GRIK1: variants seen among roughly 807,000 people sequenced by gnomAD.
GRIK1 encodes the protein glutamate ionotropic receptor kainate type subunit 1.
In GRIK1, 69 loss-of-function variants were observed where a neutral mutation model predicts 105.7. The ratio of observed to expected loss-of-function variants is 0.65; its 90% confidence interval spans 0.54 to 0.80. The LOEUF (loss-of-function observed/expected upper bound fraction) is 0.80. Ranked by LOEUF, GRIK1 falls within the 30% of genes least tolerant of loss-of-function variation. The pLI, the probability that GRIK1 is intolerant of heterozygous loss-of-function variation, is 0.00. For synonymous variants in GRIK1, 438 were observed against 431.3 expected (o/e 1.02, Z -0.19); for missense variants, 1,109 against 1,167.3 (o/e 0.95, Z 0.73).
chr21:29,860,213 A>G (rs982246888), intron 1 of GRIK1, among the ~76,000 whole-genome samples: 1 of 152,198 alleles, frequency 6.6e-6, no homozygotes, highest in East Asian at 1.9e-4. Flanking sequence ...AGAAAATAAG[A>G]GGCTATCTAC....
chr21:29,806,048 G>T (rs75357092), intron 1 of GRIK1, among the ~76,000 whole-genome samples: 4,833 of 152,084 alleles, frequency 0.032, 128 homozygotes, highest in Middle Eastern at 0.072. Flanking sequence ...TAATAATCTA[G>T]AGTAAATAAT....
intron 1 of GRIK1, among the ~76,000 whole-genome samples, chr21:29,836,449 C>T (rs2067808404): frequency 6.6e-6 from 1 of 152,100 alleles, no homozygotes; most frequent in South Asian, 2.1e-4. Context: ...AACCAATTTA[C>T]TCAACTCTGG....
rs528430313 is a variant in GRIK1, at chr21:29,592,815, A to AT, written c.1252-1591dup. ...CCCTGTCATGAAGGAATCTGGACTC[A>AT]TTTTTTTAAAAATTCAGATTCTGAT... On this transcript the variant is annotated intron_variant, in intron 9 of 17. Coordinates refer to ENST00000327783, the MANE Select transcript of GRIK1 (RefSeq NM_001330994.2). 2.8e-3 allele frequency among the ~76,000 whole-genome samples: 420 copies of AT among 152,220 alleles called. 2 individuals are homozygous for AT. Among genetic ancestry groups the AT allele is most frequent in the South Asian group, 2.7e-3 (13 of 4,824 alleles).
At chr21:29,644,865 C>T (rs1220559984) in intron 6 of GRIK1, among the ~76,000 whole-genome samples, 1 of 152,178 alleles carries the variant, frequency 6.6e-6, no homozygotes, top group Non-Finnish European at 1.5e-5. Flanking sequence ...GCATGCTGTT[C>T]TAAATCCCTT....
chr21:29,693,060 T>A (rs1004292763), intron 2 of GRIK1, among the ~76,000 whole-genome samples: 5 of 152,190 alleles, frequency 3.3e-5, no homozygotes, highest in Non-Finnish European at 7.3e-5. Context: ...GTTCATTGTG[T>A]TTCCTTATTT....
At chr21:29,771,168 G>A (rs796641825) in intron 1 of GRIK1, among the ~76,000 whole-genome samples, 71 of 152,280 alleles carry the variant, frequency 4.7e-4, no homozygotes, top group African/African-American at 1.7e-3. Context: ...GACTCTGATA[G>A]TTGCAGTGTT....
chr21:29,544,366 C>T (rs112486094), intron 16 of GRIK1, among the ~76,000 whole-genome samples: 124 of 152,266 alleles, frequency 8.1e-4, no homozygotes, highest in African/African-American at 2.8e-3. Flanking sequence ...GTGCACATTC[C>T]TGACAAGTAG....
intron 1 of GRIK1, among the ~76,000 whole-genome samples, chr21:29,890,349 G>C (rs2069847715): frequency 1.3e-5 from 2 of 152,048 alleles, no homozygotes. Context: ...TTTTCTTAAA[G>C]GATTTTTGGC....
In GRIK1 at chr21:29,555,062, T is replaced by A. The variant is rs200252571; in HGVS notation, c.2597A>T (p.Asp866Val). Residue 866 changes from aspartate to valine, a missense_variant, in exon 16 of 18, where the codon GAT becomes GTT. Physicochemically the swap from Asp to Val is radical, Grantham distance 152. This residue lies in a region of GRIK1 where 161 missense variants were observed against 143.4 expected (regional missense o/e 1.12). Transcript: ENST00000327783. ...AAAGAGATGACTCACCTGTTCAATA[T>A]CATTATTCTTCCGTGATTTGTATAT... ...EFIYKSRKNN[D>V]IEQKGKSSRI... 1.9e-6 allele frequency: 3 copies of A among 1,609,472 alleles called. No individual in the cohort carries two copies. The East Asian group carries it at 6.7e-5, about 36-fold the overall frequency.
chr21:29,785,587 C>G (rs939496559), intron 1 of GRIK1, among the ~76,000 whole-genome samples: 16 of 148,434 alleles, frequency 1.1e-4, no homozygotes, highest in African/African-American at 4.0e-4. Context: ...AAAAAAAAGC[C>G]CCCGAAAAAC....
chr21:29,813,038 A>G (rs1569121127), intron 1 of GRIK1, among the ~76,000 whole-genome samples: 1 of 152,120 alleles, frequency 6.6e-6, no homozygotes, highest in Non-Finnish European at 1.5e-5. Context: ...TGAGTACAGT[A>G]CTGTGGACAT....
intron 2 of GRIK1, among the ~76,000 whole-genome samples, chr21:29,693,003 T>C (rs363530): frequency 0.037 from 5,568 of 152,308 alleles, 275 homozygotes; most frequent in East Asian, 0.19. Flanking sequence ...TAATTCTACA[T>C]GGAAACAACC....
chr21:29,891,514 T>C (rs1160614137), intron 1 of GRIK1, among the ~76,000 whole-genome samples: 2 of 152,218 alleles, frequency 1.3e-5, no homozygotes, highest in African/African-American at 4.8e-5. Flanking sequence ...TTCCTTCCCT[T>C]TCTGTGATAA....
intron 4 of GRIK1, among the ~76,000 whole-genome samples, chr21:29,671,404 A>T (rs926078740): frequency 9.1e-5 from 13 of 142,282 alleles, no homozygotes; most frequent in Non-Finnish European, 2.0e-4. Context: ...TTTAAATAGA[A>T]TTTTTTTTTT....
At chr21:29,820,161 A>C (rs1046097719) in intron 1 of GRIK1, among the ~76,000 whole-genome samples, 4 of 152,102 alleles carry the variant, frequency 2.6e-5, no homozygotes, top group African/African-American at 9.7e-5. Context: ...GTGGGTCCCC[A>C]TGGGACACAA....
intron 1 of GRIK1, among the ~76,000 whole-genome samples, chr21:29,713,625 T>A (rs747456642): frequency 6.6e-6 from 1 of 152,214 alleles, no homozygotes; most frequent in Non-Finnish European, 1.5e-5. Flanking sequence ...TTTAGACAAA[T>A]TGAATAGTAA....
chr21:29,696,987 A>G (rs1003042686), intron 1 of GRIK1, among the ~76,000 whole-genome samples: 2 of 152,242 alleles, frequency 1.3e-5, no homozygotes, highest in African/African-American at 4.8e-5. Context: ...CATTCAAGGC[A>G]GGAGGGTTTT....
intron 7 of GRIK1, among the ~76,000 whole-genome samples, chr21:29,639,650 G>T (rs1054246187): frequency 3.9e-5 from 6 of 152,136 alleles, no homozygotes; most frequent in East Asian, 1.9e-4. Context: ...TTTATCCTGA[G>T]GTATAAGAAA....
chr21:29,849,066 A>G (rs2068227216), intron 1 of GRIK1, among the ~76,000 whole-genome samples: 1 of 152,092 alleles, frequency 6.6e-6, no homozygotes, highest in Admixed American at 6.6e-5. Flanking sequence ...GGCATATAAT[A>G]GTTGCCAAAA....
Sources: gnomAD v4.1 joint callset for allele counts (sites outside exome capture counted in the v4.1 genomes callset) on GRCh38, gnomAD v4.1.1 for gene constraint, gnomAD v4.1.1 regional missense constraint, MANE v1.5 for transcripts, NCBI Gene and HGNC (gene_info 2026-07-23, HGNC 2026-07-21) for gene names.